ST6GALNAC3: variants seen among roughly 807,000 people sequenced by gnomAD.
ST6GALNAC3 encodes the protein ST6 N-acetylgalactosaminide alpha-2,6-sialyltransferase 3.
Under a neutral mutation model 32.7 loss-of-function variants are expected in ST6GALNAC3, and 25 were observed. The observed-to-expected ratio is 0.76, with a 90% confidence interval of 0.56 to 1.07. The LOEUF is 1.07. ST6GALNAC3 is among the 50% of genes least tolerant of loss of function. The pLI is 0.00. For missense variants in ST6GALNAC3, 355 were observed against 382.4 expected, an observed-to-expected ratio of 0.93 and a Z score of 0.60; for synonymous variants, 129 against 133.1, an observed-to-expected ratio of 0.97 and a Z score of 0.21.
intron 1 of ST6GALNAC3, among the ~76,000 whole-genome samples, chr1:76,159,480 G>A (rs907268698): frequency 6.6e-6 from 1 of 152,186 alleles, no homozygotes; most frequent in Non-Finnish European, 1.5e-5. Flanking sequence ...CACCGCACCC[G>A]GTCTGGGCCC....
chr1:76,136,952 A>T (rs926107049), intron 1 of ST6GALNAC3, among the ~76,000 whole-genome samples: 1 of 152,192 alleles, frequency 6.6e-6, no homozygotes, highest in African/African-American at 2.4e-5. Flanking sequence ...AAAACATCTC[A>T]TTTAGTCTTT....
intron 1 of ST6GALNAC3, among the ~76,000 whole-genome samples, chr1:76,124,504 C>T (rs1649114049): frequency 6.6e-6 from 1 of 152,102 alleles, no homozygotes. Context: ...CGCACTCCAC[C>T]GACTGCATAT....
At chr1:76,432,009 C>G (rs1035455884) in intron 3 of ST6GALNAC3, among the ~76,000 whole-genome samples, 1 of 152,224 alleles carries the variant, frequency 6.6e-6, no homozygotes, top group African/African-American at 2.4e-5. Context: ...CCCCTAACCC[C>G]TAACAACCAA....
At chr1:76,252,344 C>T (rs922942597) in intron 1 of ST6GALNAC3, among the ~76,000 whole-genome samples, 2 of 152,118 alleles carry the variant, frequency 1.3e-5, no homozygotes, top group African/African-American at 4.8e-5. Context: ...TAAATGACCT[C>T]CCCCCAACCT....
At chr1:76,143,137 C>T (rs894957504) in intron 1 of ST6GALNAC3, among the ~76,000 whole-genome samples, 1 of 152,052 alleles carries the variant, frequency 6.6e-6, no homozygotes, top group Non-Finnish European at 1.5e-5. Flanking sequence ...TGGGAAGGAA[C>T]CTATTTTTGT....
chr1:76,206,309 G>A (rs2100556546), intron 1 of ST6GALNAC3, among the ~76,000 whole-genome samples: 1 of 152,304 alleles, frequency 6.6e-6, no homozygotes, highest in African/African-American at 2.4e-5. Flanking sequence ...TTAGGCTGTG[G>A]AAGGCAGTGG....
chr1:76,539,770 G>A (rs976573935), intron 3 of ST6GALNAC3, among the ~76,000 whole-genome samples: 5 of 152,112 alleles, frequency 3.3e-5, no homozygotes, highest in Non-Finnish European at 7.4e-5. Context: ...CCACATCAAT[G>A]ATCATCAGAG....
chr1:76,087,238 C>T (rs946095459), intron 1 of ST6GALNAC3, among the ~76,000 whole-genome samples: 4 of 152,084 alleles, frequency 2.6e-5, no homozygotes, highest in African/African-American at 7.2e-5. Flanking sequence ...GATATTAAAA[C>T]GTTATTTGAA....
At chr1:76,596,830 A>G (rs1320416986) in intron 3 of ST6GALNAC3, among the ~76,000 whole-genome samples, 1 of 152,160 alleles carries the variant, frequency 6.6e-6, no homozygotes, top group African/African-American at 2.4e-5. Flanking sequence ...ACACAAAGAG[A>G]TGGATGGGAT....
intron 1 of ST6GALNAC3, among the ~76,000 whole-genome samples, chr1:76,232,631 G>T (rs1302258428): frequency 6.6e-6 from 1 of 152,208 alleles, no homozygotes; most frequent in African/African-American, 2.4e-5. Context: ...TAGCGGGGCT[G>T]TTGTTGAACT....
chr1:76,533,117 A>G (rs57873240), intron 3 of ST6GALNAC3, among the ~76,000 whole-genome samples: 94,174 of 152,026 alleles, frequency 0.62, 30,502 homozygotes, highest in East Asian at 0.75. Context: ...TATGCAAGTC[A>G]TTATTTAAAA....
intron 1 of ST6GALNAC3, among the ~76,000 whole-genome samples, chr1:76,299,703 T>C (rs1399595428): frequency 6.6e-6 from 1 of 152,058 alleles, no homozygotes; most frequent in Non-Finnish European, 1.5e-5. Flanking sequence ...AACTATGTAT[T>C]GGTAATTCTT....
intron 1 of ST6GALNAC3, among the ~76,000 whole-genome samples, chr1:76,168,259 G>T (rs1652254372): frequency 6.6e-6 from 1 of 152,072 alleles, no homozygotes; most frequent in Non-Finnish European, 1.5e-5. Flanking sequence ...AGCCATTTAG[G>T]AACAAGTTAT....
At chr1:76,392,297 A>G (rs991894630) in intron 2 of ST6GALNAC3, among the ~76,000 whole-genome samples, 4 of 152,202 alleles carry the variant, frequency 2.6e-5, no homozygotes, top group Non-Finnish European at 5.9e-5. Context: ...TAAAGACTAG[A>G]TTTCTCAACA....
rs376493875 is a variant in ST6GALNAC3 at position 76,540,610 on chromosome 1, T to C, written c.624-86842T>C. Among the ~76,000 whole-genome samples, 111 of 152,292 alleles carry C rather than the reference T, an allele frequency of 7.3e-4. 1 individual carries two copies. In the Middle Eastern group the frequency reaches 0.017, roughly 23 times the overall value. On this transcript the variant is annotated intron_variant, in intron 3 of 4. Coordinates refer to ENST00000328299, the MANE Select transcript of ST6GALNAC3 (RefSeq NM_152996.4). ...AATGTTATTCTGTGTTGTGGGGCTA[T>C]ATTATCACAATAGTTCTTAGCTGAA... is the stretch of plus-strand genomic sequence containing the variant.
intron 1 of ST6GALNAC3, among the ~76,000 whole-genome samples, chr1:76,097,712 G>A (rs1183479418): frequency 6.6e-6 from 1 of 151,968 alleles, no homozygotes; most frequent in Non-Finnish European, 1.5e-5. Context: ...TTTCATTATA[G>A]GAATATTCCA....
At chr1:76,542,906 C>T (rs1164525399) in intron 3 of ST6GALNAC3, among the ~76,000 whole-genome samples, 1 of 152,116 alleles carries the variant, frequency 6.6e-6, no homozygotes, top group African/African-American at 2.4e-5. Context: ...GGTAATGTCA[C>T]TGTTTGTGCC....
intron 1 of ST6GALNAC3, among the ~76,000 whole-genome samples, chr1:76,228,153 A>G (rs1165621717): frequency 6.6e-6 from 1 of 152,228 alleles, no homozygotes; most frequent in East Asian, 1.9e-4. Context: ...TCCTATTGAA[A>G]TATGAAATAG....
In ST6GALNAC3 at chr1:76,444,740, AG is replaced by A. The variant is rs1656853143; in HGVS notation, c.623+32324del. Among the ~76,000 whole-genome samples the A allele has an allele frequency of 3.3e-5, 5 of 152,272 alleles. 1 individual carries two copies. In the Middle Eastern group the frequency reaches 0.017, roughly 518 times the overall value. Reference sequence around the variant, plus strand: ...AACAGAGGAACAGCTTCTAACAGTGAGAAGAGTAACATTAAGGAACCCTCTC... The same window carrying A: ...AACAGAGGAACAGCTTCTAACAGTGAAAGAGTAACATTAAGGAACCCTCTC... On this transcript the variant is annotated intron_variant, in intron 3 of 4. Coordinates refer to ENST00000328299, the MANE Select transcript of ST6GALNAC3 (RefSeq NM_152996.4).
Sources: gnomAD v4.1 joint callset for allele counts (sites outside exome capture counted in the v4.1 genomes callset) on GRCh38, gnomAD v4.1.1 for gene constraint, MANE v1.5 for transcripts, NCBI Gene and HGNC (gene_info 2026-07-23, HGNC 2026-07-21) for gene names.